KIF27: variants seen among roughly 807,000 people sequenced by gnomAD.
The protein encoded by KIF27 is kinesin-like protein KIF27.
In KIF27, 84 loss-of-function variants were observed where a neutral mutation model predicts 141.8. The ratio of observed to expected loss-of-function variants is 0.59; its 90% CI spans 0.50 to 0.71. KIF27 has a LOEUF of 0.71. Among genes scored for constraint, KIF27 ranks in the 30% least tolerant of loss-of-function variants. The probability of loss-of-function intolerance (pLI) is 0.00; values close to 1 mark genes in which losing one functional copy is unlikely to be tolerated. For missense variants in KIF27, 1,306 were observed against 1,628.4 expected, an observed-to-expected ratio of 0.80 and a Z score of 3.41; for synonymous variants, 471 against 569.5, an observed-to-expected ratio of 0.83 and a Z score of 2.46.
chr9:83,894,658 T>C (rs1420720189), intron 5 of KIF27, among the ~76,000 whole-genome samples: 1 of 152,178 alleles, frequency 6.6e-6, no homozygotes, highest in Non-Finnish European at 1.5e-5. Context: ...ATAGGTGTTG[T>C]CACAACTCAT....
At chr9:83,913,529 C>A (rs1325208069) in intron 2 of KIF27, among the ~76,000 whole-genome samples, 1 of 152,142 alleles carries the variant, frequency 6.6e-6, no homozygotes, top group East Asian at 1.9e-4. Flanking sequence ...CCTCCGCCTC[C>A]CAGGTTCAAG....
chr9:83,881,479 G>C lies in KIF27; in HGVS notation c.2446-985C>G, dbSNP rs1951669707. 3.9e-5 allele frequency among the ~76,000 whole-genome samples: 6 copies of C among 152,206 alleles called. No homozygotes were observed. In the South Asian group the frequency reaches 1.2e-3, roughly 31 times the overall value. On this transcript the variant is annotated intron_variant, in intron 10 of 17. Coordinates refer to ENST00000297814, the MANE Select transcript of KIF27 (RefSeq NM_017576.4). Reference sequence around the variant, plus strand: ...CCAAGAGGCACTGCTGCTTAGAGCAGTGCTACTCAAAATGTGATCTGTGGA... The same window carrying C: ...CCAAGAGGCACTGCTGCTTAGAGCACTGCTACTCAAAATGTGATCTGTGGA...
At chr9:83,917,620 G>A (rs1007768951) in intron 1 of KIF27, among the ~76,000 whole-genome samples, 1 of 152,184 alleles carries the variant, frequency 6.6e-6, no homozygotes, top group Non-Finnish European at 1.5e-5. Context: ...TAGATCAACA[G>A]AATAGAATTG....
Position 83,835,972 on chromosome 9 carries a change from G to A in KIF27, c.*1029C>T, listed in dbSNP as rs1173557120. On this transcript the variant is annotated 3_prime_UTR_variant, in exon 18 of 18. Coordinates refer to ENST00000297814, the MANE Select transcript of KIF27 (RefSeq NM_017576.4). ...ACAAACTACATTTGGTGTGCAAACT[G>A]TTTAGTTCTTAATTCCAAACTAAAT... 6.6e-6 allele frequency among the ~76,000 whole-genome samples: 1 copy of A among 152,084 alleles called. No individual in the cohort carries two copies. Among genetic ancestry groups the A allele is most frequent in the African/African-American group, 2.4e-5 (1 of 41,424 alleles).
chr9:83,858,502 A>G (rs1257062803), intron 14 of KIF27: 1 of 152,212 alleles, frequency 6.6e-6, no homozygotes, highest in African/African-American at 2.4e-5. Flanking sequence ...AGGTAAAGGT[A>G]CCACTGCCAA....
At chr9:83,889,571 A>C (rs1270739362) in intron 6 of KIF27, among the ~76,000 whole-genome samples, 1 of 151,570 alleles carries the variant, frequency 6.6e-6, no homozygotes, top group African/African-American at 2.4e-5. Context: ...TAAACACAAC[A>C]CAGACACACC....
chr9:83,848,877 G>T (rs1220752418), intron 16 of KIF27: 1 of 151,642 alleles, frequency 6.6e-6, no homozygotes, highest in Non-Finnish European at 1.5e-5. Context: ...GCAGTGGTGT[G>T]ACCACAGCCA....
chr9:83,898,043 A>C (rs541838113), intron 5 of KIF27, among the ~76,000 whole-genome samples: 59 of 152,322 alleles, frequency 3.9e-4, no homozygotes, highest in African/African-American at 1.3e-3. Flanking sequence ...ATCACCTACA[A>C]AAGTTAAAGA....
At position 83,867,867 on chromosome 9, in the gene KIF27, T is replaced by G; in HGVS notation, c.2758-7A>C. The G allele has an allele frequency of 6.4e-7, 1 of 1,561,864 alleles. No homozygotes were observed. The highest frequency in any genetic ancestry group is 8.6e-7 in the Non-Finnish European group (1 of 1,161,348). ...TCTTTTGCTCATCCAATTTCTACAT[T>G]AAAATTAAAAAAAAAGTTACTTGTT... On this transcript the variant is annotated splice_region_variant and splice_polypyrimidine_tract_variant and intron_variant, in intron 12 of 17. Transcript: ENST00000297814.
chr9:83,850,576 T>C (rs1948439053), intron 15 of KIF27, among the ~76,000 whole-genome samples: 1 of 151,586 alleles, frequency 6.6e-6, no homozygotes. Context: ...AGGTGAGGAG[T>C]TCGAGACCAA....
chr9:83,909,342 G>C (rs1377899893), intron 2 of KIF27, among the ~76,000 whole-genome samples: 1 of 152,182 alleles, frequency 6.6e-6, no homozygotes, highest in East Asian at 1.9e-4. Flanking sequence ...CAAGCGCAGT[G>C]GCTCATGCCT....
chr9:83,905,001 T>G (rs957035070), intron 3 of KIF27, among the ~76,000 whole-genome samples: 1 of 152,076 alleles, frequency 6.6e-6, no homozygotes, highest in African/African-American at 2.4e-5. Flanking sequence ...AGAAAACACT[T>G]TGAACACCAT....
At chr9:83,884,263 C>T (rs539634088) in intron 9 of KIF27, among the ~76,000 whole-genome samples, 13 of 152,106 alleles carry the variant, frequency 8.5e-5, no homozygotes, top group African/African-American at 1.4e-4. Flanking sequence ...CAATGTTTGG[C>T]GTTTTAGAGT....
In KIF27 at chr9:83,845,289, G is replaced by A. The variant is rs527718368; in HGVS notation, c.3557-2888C>T. ...ACTATGGGTCATCAAGTCACCATGC[G>A]ACCTGAACTGCCTATCATGAACTGG... On this transcript the variant is annotated intron_variant, in intron 16 of 17. Coordinates refer to ENST00000297814, the MANE Select transcript of KIF27 (RefSeq NM_017576.4). 4.6e-5 allele frequency among the ~76,000 whole-genome samples: 7 copies of A among 152,256 alleles called. No homozygotes were observed. The South Asian group carries it at 1.0e-3, about 23-fold the overall frequency.
intron 13 of KIF27, among the ~76,000 whole-genome samples, chr9:83,865,941 T>C (rs565575729): frequency 8.5e-5 from 13 of 152,074 alleles, no homozygotes; most frequent in Non-Finnish European, 1.6e-4. Context: ...AATATGCCAA[T>C]CTCCGGCTAG....
rs769106774 is a variant in KIF27 at position 83,889,111 on chromosome 9, G to T, written c.1952C>A (p.Ser651Ter). Residue 651 changes from serine (S) to a stop codon, truncating the protein, a stop_gained, in exon 7 of 18, where the codon TCA (serine) becomes TAA (stop). Coordinates refer to ENST00000297814, the MANE Select transcript of KIF27 (RefSeq NM_017576.4). LOFTEE classifies it high-confidence loss of function. Reference protein sequence around the residue: ...QFSDNSDDEESEGQEKSGTRC... With the variant: ...QFSDNSDDEE ...AGTTCCAGATTTCTCTTGGCCTTCTGATTCTTCATCATCACTGTTATCAGA... is the reference window on the plus strand; with the variant it reads ...AGTTCCAGATTTCTCTTGGCCTTCTTATTCTTCATCATCACTGTTATCAGA... The T allele has an allele frequency of 5.6e-6, 9 of 1,613,198 alleles. No homozygotes were observed. Among genetic ancestry groups the T allele is most frequent in the Non-Finnish European group, 7.6e-6 (9 of 1,179,580 alleles).
At chr9:83,918,819 T>C (rs908643973) in intron 1 of KIF27, among the ~76,000 whole-genome samples, 5 of 152,294 alleles carry the variant, frequency 3.3e-5, no homozygotes, top group African/African-American at 1.2e-4. Context: ...CTCAAACCTG[T>C]AATCCCAGCA....
chr9:83,904,839 A>G (rs1309136022), intron 3 of KIF27, among the ~76,000 whole-genome samples: 3 of 151,964 alleles, frequency 2.0e-5, no homozygotes, highest in Non-Finnish European at 4.4e-5. Context: ...GGTCATAATC[A>G]ATGAAGAGTA....
At position 83,903,221 on chromosome 9, in the gene KIF27, C is replaced by T. The variant is rs77150451; in HGVS notation, c.1297G>A (p.Glu433Lys). The stretch of plus-strand genomic sequence containing the variant: ...TCCTGCAGTTTGTGTTGCTGCTTTT[C>T]GTTTAGTCTGACAGTATCTTTTAGG... ...VDLKDTVRLN[E>K]KQQHKLQEWF... The change falls in exon 4 of 18, where the codon GAA becomes AAA. Residue 433 changes from glutamate to lysine, a missense_variant. Physicochemically the swap from Glu to Lys is moderately conservative, Grantham distance 56. This residue lies in a region of KIF27 where 533 missense variants were observed against 565.6 expected (regional missense o/e 0.94). Coordinates refer to ENST00000297814, the MANE Select transcript of KIF27 (RefSeq NM_017576.4). The T allele has an allele frequency of 2.3e-5, 37 of 1,614,110 alleles. No homozygotes were observed. The African/African-American group carries it at 4.1e-4, about 18-fold the overall frequency.
Sources: gnomAD v4.1 joint callset for allele counts (sites outside exome capture counted in the v4.1 genomes callset) on GRCh38, gnomAD v4.1.1 for gene constraint, gnomAD v4.1.1 regional missense constraint, MANE v1.5 for transcripts, NCBI Gene and HGNC (gene_info 2026-07-23, HGNC 2026-07-21) for gene names.